The following PTGFR variants were observed in gnomAD, a reference collection of about 807,000 sequenced individuals.
PTGFR encodes prostaglandin F receptor.
PTGFR carries 15 observed loss-of-function variants against 26.2 expected under a neutral mutation model. The ratio of observed to expected loss-of-function variants is 0.57; its 90% CI spans 0.38 to 0.88. The LOEUF is 0.88. Among genes scored for constraint, PTGFR ranks in the 40% least tolerant of loss-of-function variants. The probability of loss-of-function intolerance (pLI) is 0.00; values close to 1 mark genes in which losing one functional copy is unlikely to be tolerated. For missense variants in PTGFR, 369 were observed against 427.2 expected (o/e 0.86, Z 1.20); for synonymous variants, 165 against 151.1 (o/e 1.09, Z -0.68).
intron 2 of PTGFR, among the ~76,000 whole-genome samples, chr1:78,525,894 G>A (rs1650359083): frequency 1.3e-5 from 2 of 152,084 alleles, no homozygotes; most frequent in Admixed American, 1.3e-4. Flanking sequence ...TTATTACACA[G>A]TAAGACTTAA....
chr1:78,539,285 CT>C lies in PTGFR; in HGVS notation c.*2602del, dbSNP rs1650735662. 6.6e-6 allele frequency: 1 copy of C among 151,956 alleles called. No individual in the cohort carries two copies. The highest frequency in any genetic ancestry group is 1.5e-5 in the Non-Finnish European group (1 of 67,956). The allele number at this position is 151,956 out of a possible 1,614,324, so 9.4% of individuals were successfully genotyped here. A position where few individuals can be genotyped will look rare whatever the true frequency, so the allele number is the denominator to read the frequency against. On this transcript the variant is annotated 3_prime_UTR_variant, in exon 3 of 3. Coordinates refer to ENST00000370757, the MANE Select transcript of PTGFR (RefSeq NM_000959.4). Reference sequence around the variant, plus strand: ...GTGATAAATGTTTCTTGTTTGCACACTTTTGGACTTGAGAAATCTGCTTTTG... The same window carrying C: ...GTGATAAATGTTTCTTGTTTGCACACTTTGGACTTGAGAAATCTGCTTTTG...
At position 78,536,686 on chromosome 1, in the gene PTGFR, A is replaced by C. The variant is rs751150013; in HGVS notation, c.1079A>C (p.Ter360SerextTer23). ...SPVAEKSAST[*>S] ...GTTGCAGAGAAATCAGCAAGCACCT[A>C]GCTTAATAGGACAGTAAATCTGTGT... Residue 360 changes from the stop codon to serine (S), a stop_lost, in exon 3 of 3, where the codon TAG (stop) becomes TCG (serine). Transcript: ENST00000370757. 1 of 1,610,952 alleles carries C rather than the reference A, an allele frequency of 6.2e-7. No individual in the cohort carries two copies. The highest frequency in any genetic ancestry group is 8.5e-7 in the Non-Finnish European group (1 of 1,178,746).
chr1:78,497,829 T>G, intron 2 of PTGFR: 1 of 1,307,614 alleles, frequency 7.6e-7, no homozygotes, highest in Non-Finnish European at 1.1e-6. Flanking sequence ...AAACTTCAGC[T>G]GTCTTTTACT....
At chr1:78,510,986 C>T (rs111895745) in intron 2 of PTGFR, among the ~76,000 whole-genome samples, 18 of 152,324 alleles carry the variant, frequency 1.2e-4, no homozygotes, top group South Asian at 2.1e-4. Context: ...ACTCAGGGCA[C>T]GCCAGTGTAA....
chr1:78,514,056 G>A (rs1350996085), intron 2 of PTGFR, among the ~76,000 whole-genome samples: 1 of 152,248 alleles, frequency 6.6e-6, no homozygotes, highest in Non-Finnish European at 1.5e-5. Flanking sequence ...CCCACAGAGA[G>A]TCTCTTCTTG....
At chr1:78,491,763 G>A (rs903753570) in intron 1 of PTGFR, among the ~76,000 whole-genome samples, 2 of 152,204 alleles carry the variant, frequency 1.3e-5, no homozygotes, top group African/African-American at 2.4e-5. Flanking sequence ...ACTCGGGCTG[G>A]GCGCAGGAAA....
At chr1:78,511,642 C>T (rs1481427136) in intron 2 of PTGFR, among the ~76,000 whole-genome samples, 3 of 152,196 alleles carry the variant, frequency 2.0e-5, no homozygotes, top group East Asian at 3.8e-4. Flanking sequence ...CCCTCATTGT[C>T]TTGTATATTA....
chr1:78,539,901 C>T lies in PTGFR; in HGVS notation c.*3214C>T, dbSNP rs1195420116. Among the ~76,000 whole-genome samples the T allele has an allele frequency of 6.6e-6, 1 of 152,036 alleles. No homozygotes were observed. The highest frequency in any genetic ancestry group is 1.5e-5 in the Non-Finnish European group (1 of 67,976). ...CACCCTGCCCAATCTTCTGTGATAT[C>T]TTCTCTCTTTTACCTGTGTCTCAAC... On this transcript the variant is annotated 3_prime_UTR_variant, in exon 3 of 3. Transcript: ENST00000370757.
At chr1:78,519,579 G>C (rs181210873) in intron 2 of PTGFR, among the ~76,000 whole-genome samples, 1 of 152,040 alleles carries the variant, frequency 6.6e-6, no homozygotes, top group African/African-American at 2.4e-5. Flanking sequence ...CCATGGGCCT[G>C]TGCACATGTG....
At position 78,521,209 on chromosome 1, in the gene PTGFR, C is replaced by T. The variant is rs75920638; in HGVS notation, c.799-15197C>T. Among the ~76,000 whole-genome samples, 1,001 of 152,164 alleles carry T rather than the reference C, an allele frequency of 6.6e-3. 11 individuals are homozygous for T. The highest frequency in any genetic ancestry group is 0.023 in the African/African-American group (941 of 41,500). On this transcript the variant is annotated intron_variant, in intron 2 of 2. Transcript: ENST00000370757. ...CCAAAGGAATTACATTCCTTTTCCC[C>T]CGATTATGGGAAAAACAATTATTAA...
rs527652145 is a variant in PTGFR, at chr1:78,512,879, T to A, written c.798+19338T>A. Among the ~76,000 whole-genome samples the A allele has an allele frequency of 1.2e-4, 19 of 152,138 alleles. No homozygotes were observed. The South Asian group carries it at 4.0e-3, about 32-fold the overall frequency. The stretch of plus-strand genomic sequence containing the variant: ...GGCATGATATCTGGTTGTTTCAGAG[T>A]GTGGGACCTCCCCCTTCTCTCTCCT... On this transcript the variant is annotated intron_variant, in intron 2 of 2. Transcript: ENST00000370757.
chr1:78,506,413 T>C (rs961541052), intron 2 of PTGFR, among the ~76,000 whole-genome samples: 6 of 152,038 alleles, frequency 3.9e-5, no homozygotes, highest in Admixed American at 3.9e-4. Context: ...ATTTTATTCT[T>C]TTACTTTTAA....
chr1:78,536,710 G>A lies in PTGFR; in HGVS notation c.*23G>A, dbSNP rs1192233075. ...TAGCTTAATAGGACAGTAAATCTGT[G>A]TGGGGCTAGAACAAAATTAAGACAT... On this transcript the variant is annotated 3_prime_UTR_variant, in exon 3 of 3. Transcript: ENST00000370757. 1.3e-6 allele frequency: 2 copies of A among 1,593,436 alleles called. No homozygotes were observed. Among genetic ancestry groups the A allele is most frequent in the African/African-American group, 1.4e-5 (1 of 73,986 alleles).
chr1:78,510,161 C>T (rs1299414858), intron 2 of PTGFR, among the ~76,000 whole-genome samples: 1 of 152,160 alleles, frequency 6.6e-6, no homozygotes, highest in Non-Finnish European at 1.5e-5. Flanking sequence ...TCTCTGCTAT[C>T]CCTCTCCTCT....
intron 2 of PTGFR, among the ~76,000 whole-genome samples, chr1:78,502,636 A>C (rs1254887894): frequency 6.6e-6 from 1 of 152,136 alleles, no homozygotes; most frequent in African/African-American, 2.4e-5. Context: ...CAATGAGATG[A>C]TCAAAGACAC....
chr1:78,516,805 A>C (rs1650099474), intron 2 of PTGFR, among the ~76,000 whole-genome samples: 1 of 152,118 alleles, frequency 6.6e-6, no homozygotes, highest in Admixed American at 6.6e-5. Context: ...TGAAAGGTTA[A>C]AACCATATCC....
intron 2 of PTGFR, among the ~76,000 whole-genome samples, 160 bp from the exon 3 acceptor site, chr1:78,536,246 C>T (rs1650650486): frequency 1.3e-5 from 2 of 152,110 alleles, no homozygotes; most frequent in South Asian, 4.1e-4. Context: ...TTGTCTCCAT[C>T]AGTGTTTCTG....
intron 2 of PTGFR, among the ~76,000 whole-genome samples, chr1:78,527,393 T>A (rs927796523): frequency 1.1e-4 from 16 of 152,252 alleles, no homozygotes; most frequent in Admixed American, 2.0e-4. Context: ...CTTACTGCAA[T>A]TTTTTCATTA....
chr1:78,502,379 A>T (rs747439255), intron 2 of PTGFR, among the ~76,000 whole-genome samples: 3 of 152,172 alleles, frequency 2.0e-5, no homozygotes, highest in Non-Finnish European at 4.4e-5. Flanking sequence ...ATGTGTCTGT[A>T]GCCACTCTGT....
Sources: gnomAD v4.1 joint callset for allele counts (sites outside exome capture counted in the v4.1 genomes callset) on GRCh38, gnomAD v4.1.1 for gene constraint, MANE v1.5 for transcripts, NCBI Gene and HGNC (gene_info 2026-07-23, HGNC 2026-07-21) for gene names.